The following ST18 variants were observed in gnomAD, a reference collection of about 807,000 sequenced individuals.
ST18 encodes the protein ST18 C2H2C-type zinc finger transcription factor, also known as suppression of tumorigenicity 18 protein.
In ST18, 50 loss-of-function variants were observed where a neutral mutation model predicts 110.0. That is an observed-to-expected ratio of 0.45 (90% confidence interval 0.36 to 0.58). The LOEUF is 0.58. Ranked by LOEUF, ST18 falls within the 20% of genes least tolerant of loss-of-function variation. The pLI, the probability that ST18 is intolerant of heterozygous loss-of-function variation, is 0.00. For missense variants in ST18, 1,306 were observed against 1,280.1 expected, an observed-to-expected ratio of 1.02 and a Z score of -0.31; for synonymous variants, 461 against 452.4, an observed-to-expected ratio of 1.02 and a Z score of -0.24.
intron 2 of ST18, among the ~76,000 whole-genome samples, chr8:52,325,363 T>C (rs1169224922): frequency 6.6e-6 from 1 of 152,250 alleles, no homozygotes; most frequent in Non-Finnish European, 1.5e-5. Flanking sequence ...AATTAGTTTA[T>C]TATTCTCTAC....
chr8:52,375,640 A>G (rs573928289), intron 2 of ST18, among the ~76,000 whole-genome samples: 12 of 152,136 alleles, frequency 7.9e-5, no homozygotes, highest in African/African-American at 2.6e-4. Flanking sequence ...TTTCCTCTTT[A>G]TCCTCAATGC....
intron 2 of ST18, among the ~76,000 whole-genome samples, chr8:52,331,120 T>TC (rs1397435982): frequency 2.0e-5 from 3 of 151,978 alleles, no homozygotes; most frequent in African/African-American, 4.8e-5. Flanking sequence ...TGTCTGTTTC[T>TC]CCCCCTCCCT....
chr8:52,164,933 C>T (rs1341149749), intron 12 of ST18, among the ~76,000 whole-genome samples: 1 of 152,146 alleles, frequency 6.6e-6, no homozygotes, highest in Non-Finnish European at 1.5e-5. Flanking sequence ...TGCTAATATA[C>T]AAATTTCTAA....
chr8:52,153,509 T>C lies in ST18; in HGVS notation c.1807-3532A>G, dbSNP rs2059304391. Among the ~76,000 whole-genome samples the C allele has an allele frequency of 2.6e-5, 4 of 152,228 alleles. No individual in the cohort carries two copies. In the South Asian group the frequency reaches 8.3e-4, roughly 31 times the overall value. ...GGGTATTAACAGTAAACAGATGAAA[T>C]GAAAATATCTTACTCTTACTAAACG... On this transcript the variant is annotated intron_variant, in intron 15 of 25. Transcript: ENST00000689386.
chr8:52,381,266 G>A (rs1834409824), intron 2 of ST18, among the ~76,000 whole-genome samples: 1 of 152,060 alleles, frequency 6.6e-6, no homozygotes, highest in South Asian at 2.1e-4. Flanking sequence ...CCAGTGAGGG[G>A]GGTCATCTCA....
At chr8:52,338,882 C>G (rs1813495998) in intron 2 of ST18, among the ~76,000 whole-genome samples, 1 of 152,050 alleles carries the variant, frequency 6.6e-6, no homozygotes, top group African/African-American at 2.4e-5. Context: ...AGACTACAGG[C>G]ACAAGCTACC....
chr8:52,141,920 C>T (rs745424093), intron 17 of ST18, among the ~76,000 whole-genome samples: 103 of 152,096 alleles, frequency 6.8e-4, no homozygotes, highest in Non-Finnish European at 1.2e-3. Context: ...GGTCCCAGGA[C>T]GGAGATCAGA....
intron 2 of ST18, among the ~76,000 whole-genome samples, chr8:52,400,950 C>T (rs1299748739): frequency 6.6e-6 from 1 of 152,086 alleles, no homozygotes; most frequent in Non-Finnish European, 1.5e-5. Context: ...TGATAGTAAT[C>T]ATCATCCTTT....
chr8:52,197,446 A>G (rs1407725233), intron 8 of ST18, among the ~76,000 whole-genome samples: 1 of 152,204 alleles, frequency 6.6e-6, no homozygotes, highest in Non-Finnish European at 1.5e-5. Flanking sequence ...AGCTGATGAC[A>G]GGGTTTGGAG....
At chr8:52,283,410 T>C (rs948647983) in intron 2 of ST18, among the ~76,000 whole-genome samples, 2 of 152,148 alleles carry the variant, frequency 1.3e-5, no homozygotes, top group Non-Finnish European at 2.9e-5. Context: ...AGGTGTGACT[T>C]AGGTCACTCC....
intron 15 of ST18, among the ~76,000 whole-genome samples, chr8:52,150,617 CGGT>C (rs986241841): frequency 5.3e-5 from 8 of 152,102 alleles, no homozygotes; most frequent in African/African-American, 1.4e-4. Flanking sequence ...TGCTTCAAAC[CGGT>C]GGTGGTGGGG....
At chr8:52,206,205 T>C (rs896591112) in intron 8 of ST18, among the ~76,000 whole-genome samples, 1 of 152,114 alleles carries the variant, frequency 6.6e-6, no homozygotes, top group African/African-American at 2.4e-5. Flanking sequence ...CTGACAACCT[T>C]ATGGGCTTGC....
chr8:52,171,510 C>T, intron 10 of ST18: 1 of 496,764 alleles, frequency 2.0e-6, no homozygotes, highest in South Asian at 1.7e-5. Context: ...AAAGTTATTT[C>T]TAAAGGTATG....
At chr8:52,149,126 T>C (rs1012997566) in intron 16 of ST18, among the ~76,000 whole-genome samples, 1 of 152,278 alleles carries the variant, frequency 6.6e-6, no homozygotes, top group Admixed American at 6.5e-5. Context: ...GAAGGTTAGA[T>C]GAATTCCTGC....
chr8:52,203,999 T>C lies in ST18; in HGVS notation c.86+8080A>G, dbSNP rs897153770. ...TTATAGAGTCATCTCTGGAAGCATA[T>C]AAAATAGCATCTTAAAAGTCTCCTT... is the stretch of plus-strand genomic sequence containing the variant. On this transcript the variant is annotated intron_variant, in intron 8 of 25. Transcript: ENST00000689386. Among the ~76,000 whole-genome samples, 4 of 152,192 alleles carry C rather than the reference T, an allele frequency of 2.6e-5. No homozygotes were observed. The South Asian group carries it at 6.2e-4, about 24-fold the overall frequency.
chr8:52,199,187 C>T (rs1006860909), intron 8 of ST18: 1 of 151,762 alleles, frequency 6.6e-6, no homozygotes. Flanking sequence ...ATGCCAAAGC[C>T]ATCCGTGACA....
intron 2 of ST18, among the ~76,000 whole-genome samples, chr8:52,389,807 C>T (rs1490767143): frequency 6.6e-6 from 1 of 152,136 alleles, no homozygotes; most frequent in East Asian, 1.9e-4. Flanking sequence ...AGCCGAGGGG[C>T]AGTAGAGAAA....
intron 2 of ST18, among the ~76,000 whole-genome samples, chr8:52,365,965 G>C (rs1212893303): frequency 6.6e-6 from 1 of 151,598 alleles, no homozygotes; most frequent in Non-Finnish European, 1.5e-5. Flanking sequence ...CCCTACCAAA[G>C]CCAGGCACAG....
chr8:52,369,769 T>C (rs908731831), intron 2 of ST18, among the ~76,000 whole-genome samples: 5 of 152,316 alleles, frequency 3.3e-5, no homozygotes, highest in Admixed American at 2.6e-4. Context: ...AACTAGATAT[T>C]AGTGGCCTTT....
Sources: gnomAD v4.1 joint callset for allele counts (sites outside exome capture counted in the v4.1 genomes callset) on GRCh38, gnomAD v4.1.1 for gene constraint, MANE v1.5 for transcripts, NCBI Gene and HGNC (gene_info 2026-07-23, HGNC 2026-07-21) for gene names.